Variants in IFNGR2 observed in about 807,000 individuals in gnomAD.
IFNGR2 encodes the protein IFN-gamma receptor 2.
In IFNGR2, 15 loss-of-function variants were observed where a neutral mutation model predicts 41.1. The observed-to-expected ratio is 0.37, with a 90% confidence interval of 0.24 to 0.56. The LOEUF (loss-of-function observed/expected upper bound fraction) is 0.56. Among genes scored for constraint, IFNGR2 ranks in the 20% least tolerant of loss-of-function variants. IFNGR2 has a pLI of 0.81. For missense variants in IFNGR2, 362 were observed against 415.7 expected, an observed-to-expected ratio of 0.87 and a Z score of 1.12; for synonymous variants, 161 against 171.6, an observed-to-expected ratio of 0.94 and a Z score of 0.48.
intron 6 of IFNGR2, among the ~76,000 whole-genome samples, chr21:33,434,059 T>C (rs2083918610): frequency 1.3e-5 from 2 of 152,094 alleles, no homozygotes; most frequent in Non-Finnish European, 1.5e-5. Flanking sequence ...CCAGTGGGTA[T>C]TGCTAATATT....
chr21:33,414,307 C>A (rs1256046191), intron 1 of IFNGR2, among the ~76,000 whole-genome samples: 1 of 152,182 alleles, frequency 6.6e-6, no homozygotes, highest in East Asian at 1.9e-4. Context: ...GTTCCTTGCC[C>A]TCCCCTGCAG....
intron 1 of IFNGR2, among the ~76,000 whole-genome samples, chr21:33,414,593 G>C (rs980385350): frequency 1.3e-5 from 2 of 152,158 alleles, no homozygotes; most frequent in African/African-American, 4.8e-5. Flanking sequence ...TGGGACCCCA[G>C]TCCGGCCAGA....
At chr21:33,433,623 T>A (rs569873478) in intron 6 of IFNGR2, among the ~76,000 whole-genome samples, 2 of 151,940 alleles carry the variant, frequency 1.3e-5, no homozygotes, top group Admixed American at 1.3e-4. Context: ...AAGTGGGAAG[T>A]TCGTGTTGAA....
intron 6 of IFNGR2, among the ~76,000 whole-genome samples, chr21:33,433,477 C>T (rs1341886397): frequency 6.6e-6 from 1 of 152,170 alleles, no homozygotes; most frequent in Non-Finnish European, 1.5e-5. Flanking sequence ...CACACATGGA[C>T]CTTGAGGACA....
At chr21:33,408,418 A>G (rs1026998218) in intron 1 of IFNGR2, among the ~76,000 whole-genome samples, 2 of 151,864 alleles carry the variant, frequency 1.3e-5, no homozygotes, top group African/African-American at 4.8e-5. Context: ...CTGGTCTCGA[A>G]CTCCTGACCT....
intron 5 of IFNGR2, 38 bp downstream of exon 5, chr21:33,432,374 AAAG>A (rs1313797304): frequency 6.3e-7 from 1 of 1,576,046 alleles, no homozygotes; most frequent in East Asian, 2.2e-5. Flanking sequence ...TGAACTGGGA[AAAG>A]AATACTCCTC....
chr21:33,405,685 T>C (rs1209950874), intron 1 of IFNGR2, among the ~76,000 whole-genome samples: 5 of 152,200 alleles, frequency 3.3e-5, no homozygotes, highest in African/African-American at 7.2e-5. Context: ...TTAACTTTAA[T>C]TGTATTCTAC....
intron 3 of IFNGR2, among the ~76,000 whole-genome samples, chr21:33,422,602 C>T (rs117389688): frequency 0.011 from 1,660 of 152,146 alleles, 16 homozygotes; most frequent in Middle Eastern, 0.027. Context: ...TCCTGCTGGG[C>T]GCGGTGGCTC....
intron 2 of IFNGR2, among the ~76,000 whole-genome samples, chr21:33,416,327 C>G (rs1202455657): frequency 6.6e-6 from 1 of 152,208 alleles, no homozygotes; most frequent in African/African-American, 2.4e-5. Context: ...AAACCACAGA[C>G]AGCCAATAGA....
At chr21:33,426,720 A>G (rs1362345800) in intron 3 of IFNGR2, among the ~76,000 whole-genome samples, 164 bp from the exon 4 acceptor site, 1 of 151,622 alleles carries the variant, frequency 6.6e-6, no homozygotes, top group Non-Finnish European at 1.5e-5. Flanking sequence ...ACTGTCTCGA[A>G]AAAATAATAA....
chr21:33,436,120 G>C (rs1341621664), intron 6 of IFNGR2, among the ~76,000 whole-genome samples: 2 of 151,762 alleles, frequency 1.3e-5, no homozygotes, highest in Non-Finnish European at 1.5e-5. Flanking sequence ...CACTTTGGGA[G>C]GCCGAGGCGG....
At chr21:33,416,907 GTTTTTC>G (rs1306728148) in intron 2 of IFNGR2, among the ~76,000 whole-genome samples, 30 of 146,322 alleles carry the variant, frequency 2.1e-4, no homozygotes, top group African/African-American at 6.7e-4. Flanking sequence ...CAGGTAACTT[GTTTTTC>G]TTTTTCTTTT....
intron 3 of IFNGR2, among the ~76,000 whole-genome samples, chr21:33,423,036 CTT>C (rs1158807047): frequency 2.6e-5 from 3 of 117,374 alleles, no homozygotes; most frequent in East Asian, 4.4e-4. Context: ...CTTCCCTCTA[CTT>C]TTTTTTTTTT....
chr21:33,426,894 G>A lies in IFNGR2; in HGVS notation c.423G>A (p.Gly141=). Reference sequence around the variant, plus strand: ...GTAATTCTTTTTCAGTGACTGTCGGGCCTCCAGAAAACATTGAGGTGACCC... The same window carrying A: ...GTAATTCTTTTTCAGTGACTGTCGGACCTCCAGAAAACATTGAGGTGACCC... The part of the protein sequence containing the change: ...WFQHYRNVTV[G]PPENIEVTPG... The change falls in exon 4 of 7, where the codon GGG becomes GGA. Residue 141 remains glycine, a synonymous_variant. Coordinates refer to ENST00000290219, the MANE Select transcript of IFNGR2 (RefSeq NM_005534.4). The A allele has an allele frequency of 6.2e-7, 1 of 1,613,368 alleles. No individual in the cohort carries two copies. Among genetic ancestry groups the A allele is most frequent in the Non-Finnish European group, 8.5e-7 (1 of 1,179,794 alleles).
At chr21:33,419,829 G>A (rs1394051824) in intron 2 of IFNGR2, among the ~76,000 whole-genome samples, 1 of 152,216 alleles carries the variant, frequency 6.6e-6, no homozygotes, top group Non-Finnish European at 1.5e-5. Context: ...CCAGGGACAG[G>A]CTGAGCCCCG....
intron 3 of IFNGR2, among the ~76,000 whole-genome samples, chr21:33,425,308 T>C (rs1292470099): frequency 6.6e-6 from 1 of 152,140 alleles, no homozygotes; most frequent in Non-Finnish European, 1.5e-5. Context: ...TGTCGTCCAG[T>C]GTTCCCTAGA....
intron 1 of IFNGR2, among the ~76,000 whole-genome samples, chr21:33,413,710 G>C (rs1190263993): frequency 6.6e-6 from 1 of 151,878 alleles, no homozygotes; most frequent in South Asian, 2.1e-4. Flanking sequence ...TGAAGTACCT[G>C]CTTGGGGAAG....
rs1555878392 is a variant in IFNGR2 at position 33,403,566 on chromosome 21, C to A, written c.23C>A (p.Ser8Ter). 1.5e-6 allele frequency: 2 copies of A among 1,367,168 alleles called. No individual in the cohort carries two copies. Among genetic ancestry groups the A allele is most frequent in the South Asian group, 3.2e-5 (2 of 62,656 alleles). The allele number at this position is 1,367,168 out of a possible 1,614,324, so 84.7% of individuals were successfully genotyped here. A position where few individuals can be genotyped will look rare whatever the true frequency, so the allele number is the denominator to read the frequency against. Residue 8 changes from serine (S) to a stop codon, truncating the protein, a stop_gained, in exon 1 of 7, where the codon TCG (serine) becomes TAG (stop). Transcript: ENST00000290219. LOFTEE classifies it high-confidence loss of function. Reference sequence around the variant, plus strand: ...GCCATGCGACCGACGCTGCTGTGGTCGCTGCTGCTGCTGCTCGGAGTCTTC... The same window carrying A: ...GCCATGCGACCGACGCTGCTGTGGTAGCTGCTGCTGCTGCTCGGAGTCTTC... MRPTLLW[S>*]LLLLLGVFAA...
intron 6 of IFNGR2, among the ~76,000 whole-genome samples, chr21:33,435,620 C>T (rs2083938315): frequency 6.6e-6 from 1 of 152,072 alleles, no homozygotes; most frequent in African/African-American, 2.4e-5. Context: ...TGAGGTGGCT[C>T]ATGCCTGTAA....
Sources: allele counts gnomAD v4.1 joint callset (sites outside exome capture counted in the v4.1 genomes callset), GRCh38; gene constraint gnomAD v4.1.1; transcripts MANE v1.5; gene names NCBI Gene and HGNC (gene_info 2026-07-23, HGNC 2026-07-21).